The following KIRREL3 variants were observed in gnomAD, a reference collection of about 807,000 sequenced individuals.
KIRREL3 encodes the protein kirre like nephrin family adhesion molecule 3, also known as kin of IRRE-like protein 3.
A neutral mutation model predicts 89.7 loss-of-function variants in KIRREL3; 36 were observed. The observed-to-expected ratio is 0.40, with a 90% CI of 0.31 to 0.53. The LOEUF is 0.53. KIRREL3 is among the 20% of genes least tolerant of loss of function. KIRREL3 has a pLI of 0.49. For missense variants in KIRREL3, 864 were observed against 1,056.6 expected (o/e 0.82, Z 2.53); for synonymous variants, 445 against 441.4 (o/e 1.01, Z -0.10).
intron 7 of KIRREL3, among the ~76,000 whole-genome samples, chr11:126,456,032 TG>T (rs1956326870): frequency 8.1e-6 from 1 of 123,860 alleles, no homozygotes; most frequent in African/African-American, 3.3e-5. Context: ...GGTTTTTTTT[TG>T]TTTTCGTTTT....
chr11:126,679,824 C>T (rs1238433886), intron 1 of KIRREL3, among the ~76,000 whole-genome samples: 1 of 152,164 alleles, frequency 6.6e-6, no homozygotes, highest in African/African-American at 2.4e-5. Flanking sequence ...GCTAACCTAA[C>T]TTGCCCCAGC....
intron 4 of KIRREL3, among the ~76,000 whole-genome samples, chr11:126,506,383 TA>T (rs1323494719): frequency 6.6e-6 from 1 of 152,226 alleles, no homozygotes; most frequent in Non-Finnish European, 1.5e-5. Context: ...ATCCTGGCTA[TA>T]AAGAACTCCT....
In KIRREL3 at chr11:126,669,314, G is replaced by T. The variant is rs772624540; in HGVS notation, c.56-106402C>A. 2.6e-5 allele frequency among the ~76,000 whole-genome samples: 4 copies of T among 152,102 alleles called. No homozygotes were observed. The highest frequency in any genetic ancestry group is 5.9e-5 in the Non-Finnish European group (4 of 68,030). On this transcript the variant is annotated intron_variant, in intron 1 of 16. Transcript: ENST00000525144. This position sits in a 1 kb window ranked among gnomAD's most constrained non-coding sequence, Gnocchi z 5.0. Reference sequence around the variant, plus strand: ...TTTTCCTTCAGCGTATTTCAAACACGTGCAAGATCTTCCTCCTTCCCTGAG... The same window carrying T: ...TTTTCCTTCAGCGTATTTCAAACACTTGCAAGATCTTCCTCCTTCCCTGAG...
rs977706944 is a variant in KIRREL3, at chr11:126,519,978, A to G, written c.433+1337T>C. On this transcript the variant is annotated intron_variant, in intron 4 of 16. Transcript: ENST00000525144. This position sits in a 1 kb window ranked among gnomAD's most constrained non-coding sequence, Gnocchi z 4.3. Reference sequence around the variant, plus strand: ...ACAGGTTTATTTTCTCATTCCTTTCATCGCAGGCCTGGGGAGACTCAAAGG... The same window carrying G: ...ACAGGTTTATTTTCTCATTCCTTTCGTCGCAGGCCTGGGGAGACTCAAAGG... Among the ~76,000 whole-genome samples, 4 of 152,094 alleles carry G rather than the reference A, an allele frequency of 2.6e-5. No homozygotes were observed. Among genetic ancestry groups the G allele is most frequent in the African/African-American group, 9.7e-5 (4 of 41,398 alleles).
rs1406794092 is a variant in KIRREL3, at chr11:126,965,175, C to T, written c.55+35280G>A. Reference sequence around the variant, plus strand: ...AGGAGCTCTGGGGATGAGCAAAGGTCTACAGAACAGTGTCTTAATTAACAT... The same window carrying T: ...AGGAGCTCTGGGGATGAGCAAAGGTTTACAGAACAGTGTCTTAATTAACAT... On this transcript the variant is annotated intron_variant, in intron 1 of 16. Coordinates refer to ENST00000525144, the MANE Select transcript of KIRREL3 (RefSeq NM_032531.4). This position sits in a 1 kb window ranked among gnomAD's most constrained non-coding sequence, Gnocchi z 4.4. Among the ~76,000 whole-genome samples, 1 of 152,216 alleles carries T rather than the reference C, an allele frequency of 6.6e-6. No individual in the cohort carries two copies. The highest frequency in any genetic ancestry group is 1.9e-4 in the East Asian group (1 of 5,202).
chr11:126,569,061 A>G lies in KIRREL3; in HGVS notation c.56-6149T>C, dbSNP rs1183925526. Among the ~76,000 whole-genome samples, 1 of 152,102 alleles carries G rather than the reference A, an allele frequency of 6.6e-6. No individual in the cohort carries two copies. Among genetic ancestry groups the G allele is most frequent in the Non-Finnish European group, 1.5e-5 (1 of 68,030 alleles). ...GGAGAGGAAATGATGAATCAGAGAC[A>G]TTCCAAGAAGAGACAGTGGTGCTAA... is the stretch of plus-strand genomic sequence containing the variant. On this transcript the variant is annotated intron_variant, in intron 1 of 16. Transcript: ENST00000525144. This position sits in a 1 kb window ranked among gnomAD's most constrained non-coding sequence, Gnocchi z 6.5.
At chr11:126,500,095 A>C (rs1036646065) in intron 4 of KIRREL3, among the ~76,000 whole-genome samples, 3 of 152,186 alleles carry the variant, frequency 2.0e-5, no homozygotes, top group Non-Finnish European at 4.4e-5. Flanking sequence ...GCTTCTGGGA[A>C]GCCGACCTCT....
In KIRREL3 at chr11:126,522,877, G is replaced by A. The variant is rs967686717; in HGVS notation, c.284-1413C>T. 1.2e-4 allele frequency among the ~76,000 whole-genome samples: 19 copies of A among 152,216 alleles called. No homozygotes were observed. Among genetic ancestry groups the A allele is most frequent in the African/African-American group, 4.6e-4 (19 of 41,466 alleles). ...GCCCCAGGCTGCTCCTCCTTTTGAA[G>A]GACCCTCACCACACAGGGAGTGTTC... On this transcript the variant is annotated intron_variant, in intron 3 of 16. Coordinates refer to ENST00000525144, the MANE Select transcript of KIRREL3 (RefSeq NM_032531.4). The surrounding 1 kb of genome is among the most constrained non-coding windows in gnomAD (Gnocchi z 6.0).
intron 1 of KIRREL3, among the ~76,000 whole-genome samples, chr11:126,695,070 C>T (rs576533348): frequency 3.3e-5 from 5 of 152,284 alleles, no homozygotes; most frequent in Admixed American, 6.5e-5. Flanking sequence ...CTTCTGTCTG[C>T]GAGCCATCTA....
rs1160115455 is a variant in KIRREL3 at position 126,932,135 on chromosome 11, C to T, written c.55+68320G>A. On this transcript the variant is annotated intron_variant, in intron 1 of 16. Coordinates refer to ENST00000525144, the MANE Select transcript of KIRREL3 (RefSeq NM_032531.4). ...TCCCAGAGCAGAGTTCATCAAGAAT[C>T]CCCTCTGCTGACACTCCTATCCTGA... Among the ~76,000 whole-genome samples, 11 of 152,164 alleles carry T rather than the reference C, an allele frequency of 7.2e-5. 1 individual carries two copies. Among genetic ancestry groups the T allele is most frequent in the Admixed American group, 7.2e-4 (11 of 15,278 alleles).
At chr11:126,481,684 C>T (rs1269462531) in intron 4 of KIRREL3, among the ~76,000 whole-genome samples, 1 of 152,236 alleles carries the variant, frequency 6.6e-6, no homozygotes, top group Non-Finnish European at 1.5e-5. Context: ...TCTTTCCATT[C>T]CCACAGGCTT....
At position 126,526,779 on chromosome 11, in the gene KIRREL3, G is replaced by A. The variant is rs674537; in HGVS notation, c.134-92C>T. ...GCTATGGAAGCAGAGCAGGGCTGGC[G>A]CAGGAGACTGAGCCTCCTGAAGCAC... is the stretch of plus-strand genomic sequence containing the variant. On this transcript the variant is annotated intron_variant, in intron 2 of 16. Coordinates refer to ENST00000525144, the MANE Select transcript of KIRREL3 (RefSeq NM_032531.4). The surrounding 1 kb of genome is among the most constrained non-coding windows in gnomAD (Gnocchi z 5.7). The A allele has an allele frequency of 0.6, 835,015 of 1,386,164 alleles. 258,334 individuals carry two copies. The highest frequency in any genetic ancestry group is 0.95 in the East Asian group (37,521 of 39,650). 85.9% of individuals were successfully genotyped at this position (1,386,164 alleles called of 1,614,324 possible).
chr11:126,469,619 C>T (rs1175082316), intron 5 of KIRREL3, among the ~76,000 whole-genome samples: 1 of 152,242 alleles, frequency 6.6e-6, no homozygotes, highest in African/African-American at 2.4e-5. Context: ...GGAAGCTCCA[C>T]TGACGTGTGC....
chr11:126,483,134 G>A (rs971183818), intron 4 of KIRREL3, among the ~76,000 whole-genome samples: 2 of 152,218 alleles, frequency 1.3e-5, no homozygotes, highest in African/African-American at 4.8e-5. Flanking sequence ...TATACTCAGA[G>A]GAAAGAAACG....
intron 4 of KIRREL3, among the ~76,000 whole-genome samples, chr11:126,500,514 T>C (rs112561377): frequency 6.6e-6 from 1 of 151,542 alleles, no homozygotes; most frequent in African/African-American, 2.4e-5. Flanking sequence ...CCGAGGCGAG[T>C]GGATCACTTG....
At chr11:126,789,499 C>T (rs750426020) in intron 1 of KIRREL3, among the ~76,000 whole-genome samples, 2 of 152,192 alleles carry the variant, frequency 1.3e-5, no homozygotes, top group Non-Finnish European at 2.9e-5. Flanking sequence ...AAAAAGTTGT[C>T]TGTACACATT....
At chr11:126,956,049 G>C (rs910059815) in intron 1 of KIRREL3, among the ~76,000 whole-genome samples, 1 of 152,158 alleles carries the variant, frequency 6.6e-6, no homozygotes, top group Non-Finnish European at 1.5e-5. Context: ...TTCTGTCATT[G>C]AGTGACACAT....
rs1946646011 is a variant in KIRREL3 at position 126,685,882 on chromosome 11, A to G, written c.56-122970T>C. 6.6e-6 allele frequency among the ~76,000 whole-genome samples: 1 copy of G among 152,200 alleles called. No individual in the cohort carries two copies. Among genetic ancestry groups the G allele is most frequent in the Non-Finnish European group, 1.5e-5 (1 of 68,032 alleles). ...GGGGCCACTGGAGACTTTTTCCCTC[A>G]TGCTGGGCTCTTCACGTGGCATCCT... is the stretch of plus-strand genomic sequence containing the variant. On this transcript the variant is annotated intron_variant, in intron 1 of 16. Coordinates refer to ENST00000525144, the MANE Select transcript of KIRREL3 (RefSeq NM_032531.4). This position sits in a 1 kb window ranked among gnomAD's most constrained non-coding sequence, Gnocchi z 5.5.
chr11:126,636,290 T>G lies in KIRREL3; in HGVS notation c.56-73378A>C, dbSNP rs574910398. On this transcript the variant is annotated intron_variant, in intron 1 of 16. Coordinates refer to ENST00000525144, the MANE Select transcript of KIRREL3 (RefSeq NM_032531.4). This position sits in a 1 kb window ranked among gnomAD's most constrained non-coding sequence, Gnocchi z 4.4. ...TATTTCCTTTTTGAGCTAGTTGTGT[T>G]TGCTTGCTACGGAGGAAATACCCAT... 1.3e-5 allele frequency among the ~76,000 whole-genome samples: 2 copies of G among 152,180 alleles called. No homozygotes were observed. The highest frequency in any genetic ancestry group is 2.9e-5 in the Non-Finnish European group (2 of 68,020).
Sources: allele counts gnomAD v4.1 joint callset (sites outside exome capture counted in the v4.1 genomes callset), GRCh38; gene constraint gnomAD v4.1.1; non-coding constraint Gnocchi (gnomAD v3.1); transcripts MANE v1.5; gene names NCBI Gene and HGNC (gene_info 2026-07-23, HGNC 2026-07-21).